Variants in BAZ2B observed in about 807,000 individuals in gnomAD.
BAZ2B encodes the protein bromodomain adjacent to zinc finger domain protein 2B.
In BAZ2B, 91 loss-of-function variants were observed where a neutral mutation model predicts 246.0. The observed-to-expected ratio is 0.37, with a 90% confidence interval of 0.31 to 0.44. BAZ2B has a LOEUF of 0.44. Ranked by LOEUF, BAZ2B falls within the 20% of genes least tolerant of loss-of-function variation. The probability of loss-of-function intolerance (pLI) is 1.00; values close to 1 mark genes in which losing one functional copy is unlikely to be tolerated. For synonymous variants in BAZ2B, 855 were observed against 860.0 expected, an observed-to-expected ratio of 0.99 and a Z score of 0.10; for missense variants, 2,332 against 2,533.7, an observed-to-expected ratio of 0.92 and a Z score of 1.71.
intron 14 of BAZ2B, chr2:159,411,864 T>A: frequency 1.4e-6 from 1 of 734,518 alleles, no homozygotes; most frequent in Non-Finnish European, 1.7e-6. Flanking sequence ...ATACTATATC[T>A]GGACTACAGG....
chr2:159,554,626 A>T (rs1322453562), intron 2 of BAZ2B, among the ~76,000 whole-genome samples: 1 of 152,098 alleles, frequency 6.6e-6, no homozygotes, highest in African/African-American at 2.4e-5. Flanking sequence ...GAACATAAAT[A>T]AAAACATTAT....
chr2:159,694,541 T>C, the BAZ2B span: 1 of 152,204 alleles, frequency 6.6e-6, no homozygotes, highest in Non-Finnish European at 1.5e-5. Context: ...TGTATCTCTA[T>C]GGATTTGCCT....
intron 3 of BAZ2B, chr2:159,462,660 A>T: frequency 9.3e-7 from 1 of 1,076,730 alleles, no homozygotes; most frequent in Non-Finnish European, 1.4e-6. Flanking sequence ...CCATCTTCGT[A>T]ATAGTGAACC....
the BAZ2B span, among the ~76,000 whole-genome samples, chr2:159,670,010 G>T: frequency 6.6e-6 from 1 of 151,288 alleles, no homozygotes; most frequent in African/African-American, 2.4e-5. Context: ...TTGCTCTGTC[G>T]CCCAGGCTGG....
intron 20 of BAZ2B, chr2:159,392,032 T>G (rs532418445): frequency 6.6e-6 from 1 of 152,276 alleles, no homozygotes; most frequent in South Asian, 2.1e-4. Context: ...ATAAAGCCAG[T>G]CACAATCTAG....
At chr2:159,598,640 G>A (rs1458825321) in intron 1 of BAZ2B, among the ~76,000 whole-genome samples, 1 of 151,972 alleles carries the variant, frequency 6.6e-6, no homozygotes, top group African/African-American at 2.4e-5. Context: ...ACAAGGTCAG[G>A]AGTTTGAGAC....
intron 26 of BAZ2B, 115 bp downstream of exon 26, chr2:159,374,576 T>C: frequency 2.5e-6 from 2 of 808,980 alleles, no homozygotes; most frequent in East Asian, 2.7e-5. Context: ...ATCTTCATTT[T>C]TAATTACTCA....
chr2:159,332,437 T>C (rs2064942534), intron 34 of BAZ2B, 103 bp downstream of exon 34: 1 of 1,181,630 alleles, frequency 8.5e-7, no homozygotes. Context: ...TAGTGGGCTA[T>C]GATCATACCA....
At chr2:159,547,346 C>T (rs796680746) in intron 2 of BAZ2B, among the ~76,000 whole-genome samples, 1 of 152,114 alleles carries the variant, frequency 6.6e-6, no homozygotes, top group African/African-American at 2.4e-5. Context: ...TCATGACTCG[C>T]AAACTTTTGA....
rs750071542 is a variant in BAZ2B, at chr2:159,332,556, G to A, written c.5927C>T (p.Pro1976Leu). The change falls in exon 34 of 37, where the codon CCA becomes CTA. Residue 1976 changes from proline to leucine, a missense_variant. Physicochemically the swap from Pro to Leu is moderately conservative, Grantham distance 98 (BLOSUM62 -3). Transcript: ENST00000392783. ...TGGTCTTACCTTAGCAATGCAAGCT[G>A]GACAAAACCAGTCTCCATCTGGGAT... ...TTIPDGDWFCPACIAKASGQT... is the reference protein window; with the variant it reads ...TTIPDGDWFCLACIAKASGQT... 7 of 1,613,678 alleles carry A rather than the reference G, an allele frequency of 4.3e-6. No individual in the cohort carries two copies. In the African/African-American group the frequency reaches 6.7e-5, roughly 15 times the overall value.
At chr2:159,707,836 A>G in the BAZ2B span, among the ~76,000 whole-genome samples, 6 of 151,710 alleles carry the variant, frequency 4.0e-5, no homozygotes, top group African/African-American at 1.5e-4. Flanking sequence ...CAAAAAAAAG[A>G]AAAAATTAGC....
At chr2:159,511,470 T>A (rs1350384085) in intron 2 of BAZ2B, among the ~76,000 whole-genome samples, 2 of 152,174 alleles carry the variant, frequency 1.3e-5, no homozygotes, top group Admixed American at 6.5e-5. Context: ...CCACCCAAAG[T>A]GCTGGCACTA....
At chr2:159,643,184 C>A in the BAZ2B span, among the ~76,000 whole-genome samples, 2 of 152,118 alleles carry the variant, frequency 1.3e-5, no homozygotes, top group Non-Finnish European at 2.9e-5. Flanking sequence ...TGGGTTGCCA[C>A]AACAAAATAC....
chr2:159,445,710 T>C (rs1462256576), intron 6 of BAZ2B, among the ~76,000 whole-genome samples: 4 of 152,174 alleles, frequency 2.6e-5, no homozygotes, highest in African/African-American at 9.7e-5. Context: ...CTGGGTCTCC[T>C]GACCACCACT....
At chr2:159,374,074 TTC>T (rs1164036925) in intron 26 of BAZ2B, among the ~76,000 whole-genome samples, 1,914 of 111,964 alleles carry the variant, frequency 0.017, 46 homozygotes, top group African/African-American at 0.058. Flanking sequence ...TAGTTTTTTT[TTC>T]TTTTTTTTTT....
intron 1 of BAZ2B, among the ~76,000 whole-genome samples, chr2:159,561,697 A>T (rs2089894873): frequency 6.6e-6 from 1 of 152,218 alleles, no homozygotes; most frequent in East Asian, 1.9e-4. Flanking sequence ...GCTGGACTGA[A>T]CTGTAAATGG....
In BAZ2B at chr2:159,398,522, A is replaced by G. The variant is rs182114086; in HGVS notation, c.2964+307T>C. ...TAAACATAAACATAAATAACACACA[A>G]AACAGTTTTGGGGGGGGTCATTCTT... On this transcript the variant is annotated intron_variant, in intron 18 of 36. Coordinates refer to ENST00000392783, the MANE Select transcript of BAZ2B (RefSeq NM_013450.4). Among the ~76,000 whole-genome samples the G allele has an allele frequency of 5.4e-3, 828 of 152,254 alleles. 6 individuals are homozygous for G. Among genetic ancestry groups the G allele is most frequent in the South Asian group, 0.013 (61 of 4,826 alleles).
chr2:159,650,758 C>T, the BAZ2B span, among the ~76,000 whole-genome samples: 7 of 152,202 alleles, frequency 4.6e-5, no homozygotes, highest in African/African-American at 1.7e-4. Flanking sequence ...CTCCTCAAGT[C>T]ATGAGTCTTT....
At chr2:159,598,645 TGAGACCAGCCCGGCCAAA>T (rs1255713113) in intron 1 of BAZ2B, among the ~76,000 whole-genome samples, 1 of 151,922 alleles carries the variant, frequency 6.6e-6, no homozygotes, top group East Asian at 1.9e-4. Context: ...GTCAGGAGTT[TGAGACCAGCCCGGCCAAA>T]CAGACCAGCC....
Sources: allele counts gnomAD v4.1 joint callset (sites outside exome capture counted in the v4.1 genomes callset), GRCh38; gene constraint gnomAD v4.1.1; transcripts MANE v1.5; gene names NCBI Gene and HGNC (gene_info 2026-07-23, HGNC 2026-07-21).